The following ESR1 variants were observed in gnomAD, a reference collection of about 807,000 sequenced individuals.
ESR1 encodes estrogen receptor 1.
In ESR1, 12 loss-of-function variants were observed where a neutral mutation model predicts 52.7. That is an observed-to-expected ratio of 0.23 (90% confidence interval 0.15 to 0.37). The LOEUF (loss-of-function observed/expected upper bound fraction) is 0.37. ESR1 is among the 10% of genes least tolerant of loss of function. The probability of loss-of-function intolerance (pLI) is 1.00; values close to 1 mark genes in which losing one functional copy is unlikely to be tolerated. For missense variants in ESR1, 584 were observed against 779.7 expected, an observed-to-expected ratio of 0.75 and a Z score of 2.99; for synonymous variants, 305 against 316.8, an observed-to-expected ratio of 0.96 and a Z score of 0.39.
chr6:151,680,617 T>G (rs2115294911), intron 1 of ESR1, among the ~76,000 whole-genome samples: 1 of 152,290 alleles, frequency 6.6e-6, no homozygotes, highest in Admixed American at 6.5e-5. Context: ...CCTAATCACC[T>G]TCCAAAGGCC....
At chr6:152,012,654 G>A (rs1336969628) in intron 5 of ESR1, among the ~76,000 whole-genome samples, 1 of 152,126 alleles carries the variant, frequency 6.6e-6, no homozygotes, top group African/African-American at 2.4e-5. Flanking sequence ...TCCTGTGCTG[G>A]GCACATGGTC....
chr6:151,833,343 T>C (rs1442596230), intron 1 of ESR1, among the ~76,000 whole-genome samples: 1 of 152,156 alleles, frequency 6.6e-6, no homozygotes, highest in Non-Finnish European at 1.5e-5. Flanking sequence ...TGCCCTAAGA[T>C]TATAAGTAAA....
At chr6:151,960,224 C>G (rs1283191584) in intron 4 of ESR1, among the ~76,000 whole-genome samples, 1 of 152,180 alleles carries the variant, frequency 6.6e-6, no homozygotes, top group Admixed American at 6.5e-5. Context: ...CAGCAGTGTT[C>G]TGGGTTTTTG....
chr6:151,719,608 G>A (rs1208309992), intron 2 of ESR1, among the ~76,000 whole-genome samples: 1 of 152,130 alleles, frequency 6.6e-6, no homozygotes, highest in African/African-American at 2.4e-5. Flanking sequence ...TTTTGATTGG[G>A]GAGTTCAGAG....
chr6:151,962,559 T>C (rs1407505624), intron 4 of ESR1, among the ~76,000 whole-genome samples: 3 of 152,184 alleles, frequency 2.0e-5, no homozygotes, highest in Non-Finnish European at 4.4e-5. Flanking sequence ...GAGTTTTCTT[T>C]CCCTTACAAA....
At chr6:151,817,143 G>A (rs191472186) in intron 1 of ESR1, among the ~76,000 whole-genome samples, 1 of 152,160 alleles carries the variant, frequency 6.6e-6, no homozygotes, top group African/African-American at 2.4e-5. Flanking sequence ...TCTTTTTCAC[G>A]TTGGTTGGAA....
At chr6:151,694,248 C>A (rs1779157821) in intron 1 of ESR1, among the ~76,000 whole-genome samples, 1 of 152,144 alleles carries the variant, frequency 6.6e-6, no homozygotes, top group Admixed American at 6.5e-5. Flanking sequence ...AAAGCTCATG[C>A]TTTTAGCCAT....
At chr6:151,692,584 A>G (rs976829675) in intron 1 of ESR1, among the ~76,000 whole-genome samples, 14 of 152,178 alleles carry the variant, frequency 9.2e-5, no homozygotes. Flanking sequence ...ATCCACCTCT[A>G]TCAGGAGAGG....
At chr6:151,958,648 T>C (rs2037277920) in intron 4 of ESR1, among the ~76,000 whole-genome samples, 1 of 152,238 alleles carries the variant, frequency 6.6e-6, no homozygotes, top group Non-Finnish European at 1.5e-5. Context: ...GATTGTACTG[T>C]GTACATGTTT....
intron 4 of ESR1, among the ~76,000 whole-genome samples, chr6:152,004,448 T>C (rs2042182546): frequency 6.6e-6 from 1 of 152,000 alleles, no homozygotes; most frequent in African/African-American, 2.4e-5. Flanking sequence ...TTTAAGGTCT[T>C]GGTAAAGGAG....
downstream of ESR1, among the ~76,000 whole-genome samples, chr6:152,106,333 G>T (rs894346175): frequency 1.3e-5 from 2 of 152,114 alleles, no homozygotes; most frequent in Non-Finnish European, 2.9e-5. Context: ...ACTAATCTGC[G>T]TATTTGCCAA....
chr6:151,812,869 A>T (rs1414756868), intron 1 of ESR1, among the ~76,000 whole-genome samples: 12 of 152,172 alleles, frequency 7.9e-5, no homozygotes, highest in Admixed American at 7.9e-4. Flanking sequence ...GCCAAAGCGA[A>T]AGTGTAAGGG....
At chr6:151,666,526 G>A (rs556027640) in intron 1 of ESR1, among the ~76,000 whole-genome samples, 3 of 152,234 alleles carry the variant, frequency 2.0e-5, no homozygotes, top group Admixed American at 6.5e-5. Context: ...ACCTTGCTGG[G>A]TCCACTGCAG....
chr6:151,809,222 C>A, intron 1 of ESR1: 2 of 457,878 alleles, frequency 4.4e-6, no homozygotes, highest in South Asian at 3.1e-5. Flanking sequence ...GTGGAAGGAG[C>A]GCGGCCGGTC....
intron 4 of ESR1, among the ~76,000 whole-genome samples, chr6:151,995,475 A>G (rs1368658964): frequency 1.3e-5 from 2 of 152,188 alleles, no homozygotes; most frequent in African/African-American, 4.8e-5. Flanking sequence ...GACATGAACT[A>G]ATGGTTAGCA....
At chr6:151,806,164 C>T (rs1583369957), upstream of ESR1, among the ~76,000 whole-genome samples, 2 of 152,272 alleles carry the variant, frequency 1.3e-5, no homozygotes, top group East Asian at 3.9e-4. Flanking sequence ...TGCGATGCAC[C>T]TAATGTGTTT....
intron 2 of ESR1, among the ~76,000 whole-genome samples, chr6:151,776,044 A>G (rs1213273479): frequency 6.6e-6 from 1 of 152,178 alleles, no homozygotes; most frequent in Non-Finnish European, 1.5e-5. Flanking sequence ...AGAAGAATAT[A>G]GGAAATGGGT....
intron 3 of ESR1, among the ~76,000 whole-genome samples, chr6:151,903,051 T>G (rs1796924367): frequency 6.6e-6 from 1 of 152,184 alleles, no homozygotes; most frequent in Non-Finnish European, 1.5e-5. Context: ...TCTCCCACTT[T>G]CCTAGCAAGC....
At chr6:151,773,686 T>C (rs921974184) in intron 2 of ESR1, among the ~76,000 whole-genome samples, 41 of 152,202 alleles carry the variant, frequency 2.7e-4, no homozygotes, top group Admixed American at 2.6e-3. Context: ...AGGATCTCTG[T>C]GCAAGTAGGA....
Sources: allele counts gnomAD v4.1 joint callset (sites outside exome capture counted in the v4.1 genomes callset), GRCh38; gene constraint gnomAD v4.1.1; transcripts MANE v1.5; gene names NCBI Gene and HGNC (gene_info 2026-07-23, HGNC 2026-07-21).